The following GAS2L3 variants were observed in gnomAD, a reference collection of about 807,000 sequenced individuals.
GAS2L3 encodes growth arrest specific 2 like 3, also known as GAS2-like protein 3.
A neutral mutation model predicts 37.0 loss-of-function variants in GAS2L3; 28 were observed. The observed-to-expected ratio is 0.76, with a 90% CI of 0.56 to 1.04. The LOEUF is 1.04. Ranked by LOEUF, GAS2L3 falls within the 50% of genes least tolerant of loss-of-function variation. The pLI is 0.00. For missense variants in GAS2L3, 793 were observed against 817.6 expected (o/e 0.97, Z 0.37); for synonymous variants, 290 against 296.6 (o/e 0.98, Z 0.23).
At chr12:100,607,182 T>C (rs1339534083) in intron 5 of GAS2L3, among the ~76,000 whole-genome samples, 2 of 152,210 alleles carry the variant, frequency 1.3e-5, no homozygotes, top group African/African-American at 4.8e-5. Flanking sequence ...GCTTAAAGGA[T>C]ATTTTCACTG....
At chr12:100,585,099 C>T (rs1955763996) in intron 1 of GAS2L3, among the ~76,000 whole-genome samples, 1 of 134,036 alleles carries the variant, frequency 7.5e-6, no homozygotes, top group African/African-American at 2.8e-5. Flanking sequence ...TGGGGTTTCA[C>T]CGTGTTAGCC....
rs1468622133 is a variant in GAS2L3 at position 100,625,261 on chromosome 12, C to T, written c.*371C>T. On this transcript the variant is annotated 3_prime_UTR_variant, in exon 10 of 10. Coordinates refer to ENST00000547754, the MANE Select transcript of GAS2L3 (RefSeq NM_174942.3). ...ATGTATTAAATATGGAGTTCATATA[C>T]CTGCTAATATCAACGGTGGTGCTCT... 1 of 161,772 alleles carries T rather than the reference C, an allele frequency of 6.2e-6. No homozygotes were observed. The highest frequency in any genetic ancestry group is 1.4e-5 in the Non-Finnish European group (1 of 73,604). The allele number at this position is 161,772 out of a possible 1,614,324, so 10.0% of individuals were successfully genotyped here.
At chr12:100,589,071 T>C (rs1447250929) in intron 1 of GAS2L3, among the ~76,000 whole-genome samples, 1 of 152,156 alleles carries the variant, frequency 6.6e-6, no homozygotes, top group East Asian at 1.9e-4. Flanking sequence ...GATAACAGGA[T>C]TAAGAGATTA....
In GAS2L3 at chr12:100,624,592, C is replaced by T. The variant is rs377603217; in HGVS notation, c.1787C>T (p.Ala596Val). The T allele has an allele frequency of 1.2e-6, 2 of 1,614,046 alleles. No individual in the cohort carries two copies. Among genetic ancestry groups the T allele is most frequent in the South Asian group, 2.2e-5 (2 of 91,082 alleles). The change falls in exon 10 of 10, where the codon GCA (alanine) becomes GTA (valine). Residue 596 changes from alanine (A) to valine (V), a missense_variant. By Grantham distance (64) the Ala-to-Val change is moderately conservative (BLOSUM62 0). Coordinates refer to ENST00000547754, the MANE Select transcript of GAS2L3 (RefSeq NM_174942.3). Reference sequence around the variant, plus strand: ...AAAAAGCAGCCTCAGAATAAAAGTGCATTTCAGAAGACAGGACCCAGCTCC... The same window carrying T: ...AAAAAGCAGCCTCAGAATAAAAGTGTATTTCAGAAGACAGGACCCAGCTCC... ...ATKKQPQNKS[A>V]FQKTGPSSLK...
chr12:100,602,039 G>A (rs564036838), intron 5 of GAS2L3, among the ~76,000 whole-genome samples: 5 of 152,174 alleles, frequency 3.3e-5, no homozygotes, highest in Admixed American at 3.3e-4. Flanking sequence ...CAAATTAAAT[G>A]GGTGAATGTA....
In GAS2L3 at chr12:100,612,061, G is replaced by A. The variant is rs1367904595; in HGVS notation, c.365G>A (p.Arg122Gln). The A allele has an allele frequency of 2.0e-5, 33 of 1,611,198 alleles. No homozygotes were observed. In the Admixed American group the frequency reaches 4.0e-4, roughly 20 times the overall value. The change falls in exon 6 of 10, where the codon CGG (arginine) becomes CAG (glutamine). Residue 122 changes from arginine to glutamine, a missense_variant. Physicochemically the swap from Arg to Gln is conservative, Grantham distance 43. Transcript: ENST00000547754. ...KDAASGSFFA[R>Q]DNTANFLHWC... ...GCTGCATCAGGTTCATTCTTTGCTC[G>A]GGACAATACCGCAAACTTCCTTCAC...
Position 100,624,961 on chromosome 12 carries a change from C to G in GAS2L3, c.*71C>G. ...TAGCTTCACATCTTAAAAGTTTCTCCTATTTGTGTCTGTCTAAATAGGTGC... is the reference window on the plus strand; with the variant it reads ...TAGCTTCACATCTTAAAAGTTTCTCGTATTTGTGTCTGTCTAAATAGGTGC... On this transcript the variant is annotated 3_prime_UTR_variant, in exon 10 of 10. Coordinates refer to ENST00000547754, the MANE Select transcript of GAS2L3 (RefSeq NM_174942.3). The G allele has an allele frequency of 8.3e-7, 1 of 1,200,216 alleles. No individual in the cohort carries two copies. The highest frequency in any genetic ancestry group is 2.2e-5 in the Admixed American group (1 of 45,144). The allele number at this position is 1,200,216 out of a possible 1,614,324, so 74.3% of individuals were successfully genotyped here. A position where few individuals can be genotyped will look rare whatever the true frequency, so the allele number is the denominator to read the frequency against.
intron 5 of GAS2L3, among the ~76,000 whole-genome samples, chr12:100,602,298 A>G (rs1029562095): frequency 3.9e-5 from 6 of 152,078 alleles, no homozygotes; most frequent in Non-Finnish European, 8.8e-5. Context: ...GTTTTCATTC[A>G]TTAACCCTGA....
chr12:100,621,978 C>A (rs977127130), intron 8 of GAS2L3, among the ~76,000 whole-genome samples: 3 of 151,218 alleles, frequency 2.0e-5, no homozygotes, highest in Non-Finnish European at 2.9e-5. Context: ...GGATCTGAAA[C>A]CTGGCTCTGC....
Position 100,626,554 on chromosome 12 carries a change from G to A in GAS2L3, c.*1664G>A, listed in dbSNP as rs1357704060. On this transcript the variant is annotated 3_prime_UTR_variant, in exon 10 of 10. Transcript: ENST00000547754. ...ACTTTTTAGTGATCAGAAATATTTA[G>A]TGCATCTTTTCAGACAGGAAGAATT... 1 of 152,172 alleles carries A rather than the reference G, an allele frequency of 6.6e-6. No homozygotes were observed. The allele number at this position is 152,172 out of a possible 1,614,324, so 9.4% of individuals were successfully genotyped here. A position where few individuals can be genotyped will look rare whatever the true frequency, so the allele number is the denominator to read the frequency against.
Position 100,624,690 on chromosome 12 carries a change from C to G in GAS2L3, c.1885C>G (p.Pro629Ala). The G allele has an allele frequency of 6.2e-7, 1 of 1,614,078 alleles. No homozygotes were observed. The highest frequency in any genetic ancestry group is 8.5e-7 in the Non-Finnish European group (1 of 1,180,018). ...PQSSTKTQTA[P>A]KSAQTVAKSQ... ...GTCTTCTACCAAAACACAAACTGCA[C>G]CGAAGTCAGCACAGACTGTCGCTAA... The change falls in exon 10 of 10, where the codon CCG becomes GCG. Residue 629 changes from proline to alanine, a missense_variant. By Grantham distance (27) the Pro-to-Ala change is conservative. Coordinates refer to ENST00000547754, the MANE Select transcript of GAS2L3 (RefSeq NM_174942.3).
At chr12:100,610,067 A>G (rs1956107346) in intron 5 of GAS2L3, among the ~76,000 whole-genome samples, 1 of 152,272 alleles carries the variant, frequency 6.6e-6, no homozygotes. Flanking sequence ...TTAAAATTTG[A>G]TGTTCCTATG....
At chr12:100,612,609 A>T (rs1956140034) in intron 6 of GAS2L3, 1 of 164,820 alleles carries the variant, frequency 6.1e-6, no homozygotes, top group Non-Finnish European at 1.3e-5. Flanking sequence ...TTGAGGAGTC[A>T]TGCTCTGTTG....
intron 5 of GAS2L3, among the ~76,000 whole-genome samples, chr12:100,603,482 A>C (rs1158267909): frequency 6.6e-6 from 1 of 151,876 alleles, no homozygotes; most frequent in East Asian, 1.9e-4. Context: ...TTTAAATTGG[A>C]TTATTAGATT....
intron 5 of GAS2L3, among the ~76,000 whole-genome samples, chr12:100,607,734 A>G (rs770628574): frequency 6.6e-6 from 1 of 151,956 alleles, no homozygotes; most frequent in Non-Finnish European, 1.5e-5. Context: ...CAGTATGTCA[A>G]TTGCATTTCT....
rs1371308181 is a variant in GAS2L3 at position 100,626,275 on chromosome 12, A to G, written c.*1385A>G. 1 of 152,248 alleles carries G rather than the reference A, an allele frequency of 6.6e-6. No individual in the cohort carries two copies. The highest frequency in any genetic ancestry group is 6.5e-5 in the Admixed American group (1 of 15,288). 9.4% of individuals were successfully genotyped at this position (152,248 alleles called of 1,614,324 possible). ...TGTACAATCATAGAATAAGCATTTT[A>G]AGCTGGCGACTAGTGTTCTATAGAT... On this transcript the variant is annotated 3_prime_UTR_variant, in exon 10 of 10. Coordinates refer to ENST00000547754, the MANE Select transcript of GAS2L3 (RefSeq NM_174942.3).
rs1034001290 is a variant in GAS2L3, at chr12:100,625,166, C to T, written c.*276C>T. ...TCTATAGCATCTTTGTTAACATCTG[C>T]CTTTTGCAGGAAATGTAAAAGTTAT... On this transcript the variant is annotated 3_prime_UTR_variant, in exon 10 of 10. Coordinates refer to ENST00000547754, the MANE Select transcript of GAS2L3 (RefSeq NM_174942.3). 1 of 257,506 alleles carries T rather than the reference C, an allele frequency of 3.9e-6. No individual in the cohort carries two copies. The highest frequency in any genetic ancestry group is 2.2e-5 in the African/African-American group (1 of 45,402). 16.0% of individuals were successfully genotyped at this position (257,506 alleles called of 1,614,324 possible). A position where few individuals can be genotyped will look rare whatever the true frequency, so the allele number is the denominator to read the frequency against.
At chr12:100,620,935 A>G (rs1956244949) in intron 8 of GAS2L3, among the ~76,000 whole-genome samples, 1 of 152,098 alleles carries the variant, frequency 6.6e-6, no homozygotes, top group Non-Finnish European at 1.5e-5. Context: ...GCAGATGTGC[A>G]CGTGTGCATG....
At chr12:100,618,840 T>C (rs1593188389) in intron 8 of GAS2L3, among the ~76,000 whole-genome samples, 1 of 152,168 alleles carries the variant, frequency 6.6e-6, no homozygotes, top group Admixed American at 6.6e-5. Context: ...GAACTCATCA[T>C]GAAGAGAACT....
Sources: allele counts gnomAD v4.1 joint callset (sites outside exome capture counted in the v4.1 genomes callset), GRCh38; gene constraint gnomAD v4.1.1; transcripts MANE v1.5; gene names NCBI Gene and HGNC (gene_info 2026-07-23, HGNC 2026-07-21).